The following PABPC4L variants were observed in gnomAD, a reference collection of about 807,000 sequenced individuals.
PABPC4L encodes polyadenylate-binding protein 4-like.
For missense variants in PABPC4L, 452 were observed against 451.4 expected, an observed-to-expected ratio of 1.00 and a Z score of -0.01; for synonymous variants, 169 against 164.1, an observed-to-expected ratio of 1.03 and a Z score of -0.23.
the PABPC4L span, among the ~76,000 whole-genome samples, chr4:133,966,777 A>T: frequency 6.6e-6 from 1 of 152,142 alleles, no homozygotes; most frequent in Non-Finnish European, 1.5e-5. Context: ...AAGACATAAG[A>T]ATGATACAAT....
chr4:134,045,459 C>T, the PABPC4L span, among the ~76,000 whole-genome samples: 10 of 152,094 alleles, frequency 6.6e-5, no homozygotes, highest in African/African-American at 2.4e-4. Context: ...CACTCAGTGT[C>T]ATAAAAGTAT....
chr4:134,116,813 C>T, the PABPC4L span, among the ~76,000 whole-genome samples: 11 of 151,616 alleles, frequency 7.3e-5, no homozygotes, highest in Admixed American at 2.0e-4. Context: ...AATAGTTTTC[C>T]AGTTCTTTAT....
At chr4:134,039,212 T>G in the PABPC4L span, among the ~76,000 whole-genome samples, 1 of 152,132 alleles carries the variant, frequency 6.6e-6, no homozygotes, top group Admixed American at 6.5e-5. Flanking sequence ...TTCCATTCTT[T>G]TGCATTTTTT....
the PABPC4L span, among the ~76,000 whole-genome samples, chr4:133,964,213 A>G: frequency 1.1e-4 from 17 of 152,072 alleles, no homozygotes; most frequent in African/African-American, 3.9e-4. Flanking sequence ...TAAACTTGAA[A>G]CGTAGAAGAG....
chr4:134,132,629 C>T, the PABPC4L span, among the ~76,000 whole-genome samples: 1 of 151,732 alleles, frequency 6.6e-6, no homozygotes, highest in Admixed American at 6.6e-5. Context: ...TAAACTAGTA[C>T]AACCACTATG....
the PABPC4L span, among the ~76,000 whole-genome samples, chr4:134,073,213 A>G: frequency 6.6e-6 from 1 of 152,326 alleles, no homozygotes; most frequent in Non-Finnish European, 1.5e-5. Flanking sequence ...GTTACTTCCT[A>G]GATACATGGG....
the PABPC4L span, among the ~76,000 whole-genome samples, chr4:134,052,140 G>T: frequency 1.3e-5 from 2 of 152,046 alleles, no homozygotes; most frequent in South Asian, 4.1e-4. Flanking sequence ...AGAGACATTG[G>T]ATCCAGAGAT....
At chr4:134,036,486 T>C in the PABPC4L span, among the ~76,000 whole-genome samples, 1 of 152,114 alleles carries the variant, frequency 6.6e-6, no homozygotes, top group African/African-American at 2.4e-5. Context: ...GACTAATTAC[T>C]GTTGGGAAAA....
At chr4:134,021,745 A>G in the PABPC4L span, among the ~76,000 whole-genome samples, 19 of 152,236 alleles carry the variant, frequency 1.2e-4, no homozygotes, top group East Asian at 3.5e-3. Context: ...AAAATGAGCC[A>G]CCATATCATA....
the PABPC4L span, among the ~76,000 whole-genome samples, chr4:133,962,425 G>A: frequency 1.3e-5 from 2 of 152,164 alleles, no homozygotes; most frequent in Admixed American, 1.3e-4. Context: ...GGAATAGATA[G>A]CATAAAGAAA....
the PABPC4L span, among the ~76,000 whole-genome samples, chr4:134,118,749 T>C: frequency 1.3e-5 from 2 of 151,916 alleles, no homozygotes; most frequent in South Asian, 2.1e-4. Context: ...ATTTCAAAAG[T>C]ATATTCCCTA....
At chr4:133,970,462 T>C in the PABPC4L span, among the ~76,000 whole-genome samples, 8 of 152,310 alleles carry the variant, frequency 5.3e-5, no homozygotes, top group East Asian at 3.9e-4. Flanking sequence ...TGAGCTATGA[T>C]TGCATCAAAC....
At chr4:134,179,844 T>G in the PABPC4L span, among the ~76,000 whole-genome samples, 1 of 152,258 alleles carries the variant, frequency 6.6e-6, no homozygotes, top group South Asian at 2.1e-4. Flanking sequence ...TTAACTATCC[T>G]GCACATATAC....
the PABPC4L span, among the ~76,000 whole-genome samples, chr4:133,995,317 T>A: frequency 6.6e-6 from 1 of 152,176 alleles, no homozygotes; most frequent in African/African-American, 2.4e-5. Context: ...TGGGTTTCTC[T>A]CCCTTTTCAC....
At chr4:134,176,908 C>T in the PABPC4L span, among the ~76,000 whole-genome samples, 2 of 152,062 alleles carry the variant, frequency 1.3e-5, no homozygotes, top group Non-Finnish European at 2.9e-5. Flanking sequence ...TTTGCAGGGG[C>T]AACTCACAAG....
the PABPC4L span, among the ~76,000 whole-genome samples, chr4:134,038,323 G>A: frequency 1.3e-5 from 2 of 152,102 alleles, no homozygotes; most frequent in Non-Finnish European, 2.9e-5. Flanking sequence ...GTATCAGGAT[G>A]ATACTGGCCT....
At chr4:134,189,635 A>C in the PABPC4L span, among the ~76,000 whole-genome samples, 1 of 152,022 alleles carries the variant, frequency 6.6e-6, no homozygotes, top group Non-Finnish European at 1.5e-5. Context: ...GGCCTTTAGT[A>C]ATGTAAGTGG....
chr4:134,163,267 A>G, the PABPC4L span, among the ~76,000 whole-genome samples: 3 of 152,142 alleles, frequency 2.0e-5, no homozygotes, highest in Admixed American at 1.3e-4. Context: ...TACTAAATGA[A>G]TAAATTCCTG....
the PABPC4L span, among the ~76,000 whole-genome samples, chr4:134,055,903 T>C: frequency 6.1e-4 from 93 of 152,098 alleles, 1 homozygote; most frequent in Admixed American, 1.4e-3. Context: ...TAGCCCTAGA[T>C]TATGAAGACT....
Sources: allele counts gnomAD v4.1 joint callset (sites outside exome capture counted in the v4.1 genomes callset), GRCh38; gene constraint gnomAD v4.1.1; transcripts MANE v1.5; gene names NCBI Gene and HGNC (gene_info 2026-07-23, HGNC 2026-07-21).